Variants in AK9 observed in about 807,000 individuals in gnomAD.
AK9 encodes adenylate kinase domain containing 1.
AK9 carries 191 observed loss-of-function variants against 239.6 expected under a neutral mutation model. The ratio of observed to expected loss-of-function variants is 0.80; its 90% CI spans 0.71 to 0.90. The LOEUF (loss-of-function observed/expected upper bound fraction) is 0.90. Ranked by LOEUF, AK9 falls within the 40% of genes least tolerant of loss-of-function variation. The probability of loss-of-function intolerance (pLI) is 0.00; values close to 1 mark genes in which losing one functional copy is unlikely to be tolerated. For synonymous variants in AK9, 689 were observed against 721.0 expected (o/e 0.96, Z 0.71); for missense variants, 1,995 against 2,214.7 (o/e 0.90, Z 1.99).
At chr6:109,661,559 A>C (rs955293476) in intron 6 of AK9, among the ~76,000 whole-genome samples, 1 of 152,166 alleles carries the variant, frequency 6.6e-6, no homozygotes, top group African/African-American at 2.4e-5. Context: ...TGAATGAGAT[A>C]TCTCTGTTAT....
intron 8 of AK9, among the ~76,000 whole-genome samples, chr6:109,652,652 T>C (rs1384077658): frequency 1.3e-5 from 2 of 152,228 alleles, no homozygotes; most frequent in African/African-American, 4.8e-5. Context: ...AAGCATTTCT[T>C]TTTATGAAAG....
At chr6:109,538,518 C>T (rs567117179) in intron 27 of AK9, among the ~76,000 whole-genome samples, 57 of 152,126 alleles carry the variant, frequency 3.7e-4, no homozygotes, top group Admixed American at 3.6e-3. Flanking sequence ...TGAGATGGGT[C>T]TCCTGAATAC....
At chr6:109,539,762 G>C (rs1029064490) in intron 27 of AK9, among the ~76,000 whole-genome samples, 8 of 152,184 alleles carry the variant, frequency 5.3e-5, no homozygotes, top group African/African-American at 1.7e-4. Flanking sequence ...TGATGATGGT[G>C]ACGTACAGAT....
intron 1 of AK9, among the ~76,000 whole-genome samples, chr6:109,690,196 T>C (rs1392429667): frequency 6.6e-6 from 1 of 151,832 alleles, no homozygotes; most frequent in Non-Finnish European, 1.5e-5. Flanking sequence ...GGTTTAGAGG[T>C]TTCCTGGGAA....
At chr6:109,554,734 G>A (rs1399546183) in intron 24 of AK9, among the ~76,000 whole-genome samples, 2 of 152,028 alleles carry the variant, frequency 1.3e-5, no homozygotes, top group African/African-American at 4.8e-5. Context: ...GTTTCGCTAT[G>A]TTAGCCAGGC....
chr6:109,588,156 C>T (rs753012415), intron 17 of AK9, among the ~76,000 whole-genome samples: 43 of 151,920 alleles, frequency 2.8e-4, no homozygotes, highest in East Asian at 1.4e-3. Flanking sequence ...CTGCAAGCTC[C>T]GCCTCCCGGG....
chr6:109,653,037 C>T (rs1799188681), intron 8 of AK9, among the ~76,000 whole-genome samples: 1 of 152,086 alleles, frequency 6.6e-6, no homozygotes, highest in Non-Finnish European at 1.5e-5. Flanking sequence ...AGTGAGTCTC[C>T]TGCCTCAGCC....
chr6:109,676,233 C>T (rs1304269090), intron 1 of AK9, among the ~76,000 whole-genome samples: 1 of 151,814 alleles, frequency 6.6e-6, no homozygotes, highest in African/African-American at 2.4e-5. Flanking sequence ...TACATTTTTT[C>T]TTTTGTAATA....
At chr6:109,539,922 T>C (rs914870977) in intron 27 of AK9, among the ~76,000 whole-genome samples, 11 of 152,138 alleles carry the variant, frequency 7.2e-5, no homozygotes, top group Non-Finnish European at 1.5e-4. Context: ...ACAGTGAATA[T>C]TGCTGAACAG....
At chr6:109,650,614 C>T (rs1317095710) in intron 8 of AK9, among the ~76,000 whole-genome samples, 4 of 152,168 alleles carry the variant, frequency 2.6e-5, no homozygotes, top group South Asian at 2.1e-4. Context: ...GAAATAGGAA[C>T]ACTTTTACAC....
intron 9 of AK9, among the ~76,000 whole-genome samples, chr6:109,642,501 T>C (rs2128289014): frequency 6.6e-6 from 1 of 152,282 alleles, no homozygotes; most frequent in East Asian, 1.9e-4. Flanking sequence ...GCTCTGCCAA[T>C]GGAACGTGGG....
intron 29 of AK9, among the ~76,000 whole-genome samples, chr6:109,520,298 T>G (rs1779699700): frequency 6.6e-6 from 1 of 152,198 alleles, no homozygotes; most frequent in South Asian, 2.1e-4. Flanking sequence ...TTTTATATGG[T>G]GAAAGGTAGG....
chr6:109,542,258 G>A, intron 26 of AK9, 87 bp from the exon 27 acceptor site: 1 of 1,290,208 alleles, frequency 7.8e-7, no homozygotes, highest in Non-Finnish European at 1.0e-6. Flanking sequence ...AAGTTAAAGA[G>A]GAGGACCTCA....
Position 109,514,293 on chromosome 6 carries a change from G to C in AK9, c.4210C>G (p.Pro1404Ala). 2 of 1,551,786 alleles carry C rather than the reference G, an allele frequency of 1.3e-6. No homozygotes were observed. The highest frequency in any genetic ancestry group is 1.7e-6 in the Non-Finnish European group (2 of 1,146,960). Residue 1404 changes from proline (P) to alanine (A), a missense_variant, in exon 32 of 41, where the codon CCC (proline) becomes GCC (alanine). By Grantham distance (27) the Pro-to-Ala change is conservative. Around this residue, in one of 5 missense-constraint regions of AK9, gnomAD observed 1,290 missense variants for 1,392.7 expected, o/e 0.93. Transcript: ENST00000424296. Reference protein sequence around the residue: ...MKNPIKYIRQPKPKPTVPIRI... With the variant: ...MKNPIKYIRQAKPKPTVPIRI... ...ATGGGCACAGTAGGCTTAGGTTTGG[G>C]TTGGCGGATATATTTGATTGGGTTC...
At chr6:109,651,205 C>T (rs1213947778) in intron 8 of AK9, among the ~76,000 whole-genome samples, 4 of 151,466 alleles carry the variant, frequency 2.6e-5, no homozygotes, top group Non-Finnish European at 5.9e-5. Context: ...ACGTTGTGCA[C>T]ATGTACCCTA....
chr6:109,539,768 C>T (rs955040750), intron 27 of AK9, among the ~76,000 whole-genome samples: 2 of 152,162 alleles, frequency 1.3e-5, no homozygotes, highest in Non-Finnish European at 2.9e-5. Context: ...TGGTGACGTA[C>T]AGATGGGGTT....
chr6:109,654,262 T>C (rs1414552472), intron 8 of AK9, among the ~76,000 whole-genome samples: 3 of 152,176 alleles, frequency 2.0e-5, no homozygotes, highest in East Asian at 3.8e-4. Flanking sequence ...ACAGATTATA[T>C]CAGCATTATT....
At chr6:109,613,679 CT>C (rs1342171179) in intron 15 of AK9, among the ~76,000 whole-genome samples, 1 of 151,168 alleles carries the variant, frequency 6.6e-6, no homozygotes, top group Admixed American at 6.6e-5. Context: ...TAAAAACAGT[CT>C]ATATTATAGC....
At chr6:109,609,886 T>A (rs1793361619) in intron 17 of AK9, among the ~76,000 whole-genome samples, 1 of 152,154 alleles carries the variant, frequency 6.6e-6, no homozygotes. Flanking sequence ...ATAGATAGCA[T>A]TTGAGGATTT....
Sources: gnomAD v4.1 joint callset for allele counts (sites outside exome capture counted in the v4.1 genomes callset) on GRCh38, gnomAD v4.1.1 for gene constraint, gnomAD v4.1.1 regional missense constraint, MANE v1.5 for transcripts, NCBI Gene and HGNC (gene_info 2026-07-23, HGNC 2026-07-21) for gene names.